NTRK3: variants seen among roughly 807,000 people sequenced by gnomAD.
NTRK3 encodes NT-3 growth factor receptor.
Under a neutral mutation model 91.7 loss-of-function variants are expected in NTRK3, and 24 were observed. The observed-to-expected ratio is 0.26, with a 90% CI of 0.19 to 0.37. The LOEUF (loss-of-function observed/expected upper bound fraction) is 0.37. Among genes scored for constraint, NTRK3 ranks in the 10% least tolerant of loss-of-function variants. The probability of loss-of-function intolerance (pLI) is 1.00; values close to 1 mark genes in which losing one functional copy is unlikely to be tolerated. For synonymous variants in NTRK3, 483 were observed against 404.0 expected, an observed-to-expected ratio of 1.20 and a Z score of -2.34; for missense variants, 880 against 1,068.9, an observed-to-expected ratio of 0.82 and a Z score of 2.46.
chr15:87,914,991 G>T (rs1371249527), intron 17 of NTRK3, among the ~76,000 whole-genome samples: 1 of 152,158 alleles, frequency 6.6e-6, no homozygotes, highest in Non-Finnish European at 1.5e-5. Context: ...TATGGTGTTG[G>T]TGATGGTGTT....
intron 3 of NTRK3, among the ~76,000 whole-genome samples, chr15:88,200,206 T>G (rs997962294): frequency 3.3e-5 from 5 of 152,336 alleles, no homozygotes; most frequent in African/African-American, 1.2e-4. Flanking sequence ...AGTTCCCACC[T>G]GCCCGGACTG....
At chr15:88,156,284 G>C (rs2043894662) in intron 5 of NTRK3, among the ~76,000 whole-genome samples, 1 of 152,172 alleles carries the variant, frequency 6.6e-6, no homozygotes, top group African/African-American at 2.4e-5. Context: ...CATGTGCTGA[G>C]GAGGTGGAGA....
chr15:88,152,167 G>A (rs1475548435), intron 5 of NTRK3, among the ~76,000 whole-genome samples: 2 of 152,064 alleles, frequency 1.3e-5, no homozygotes, highest in African/African-American at 4.8e-5. Flanking sequence ...TGGGTGTGGT[G>A]GTGGGCGCCT....
intron 5 of NTRK3, among the ~76,000 whole-genome samples, chr15:88,157,306 C>T (rs1262433106): frequency 2.6e-5 from 4 of 151,972 alleles, no homozygotes; most frequent in Non-Finnish European, 5.9e-5. Flanking sequence ...CAGCTGTCTC[C>T]GTCTGGCTCC....
At chr15:88,175,073 A>G (rs1163931083) in intron 5 of NTRK3, among the ~76,000 whole-genome samples, 1 of 152,230 alleles carries the variant, frequency 6.6e-6, no homozygotes, top group Non-Finnish European at 1.5e-5. Context: ...TTAGACACCA[A>G]GTTTCATGCA....
intron 13 of NTRK3, among the ~76,000 whole-genome samples, chr15:88,045,963 C>G (rs1039977828): frequency 6.6e-6 from 1 of 152,174 alleles, no homozygotes. Flanking sequence ...AGGCTATTTC[C>G]GAATAAGTTC....
intron 17 of NTRK3, among the ~76,000 whole-genome samples, chr15:87,910,218 G>A (rs1377342921): frequency 7.9e-5 from 12 of 152,182 alleles, no homozygotes; most frequent in African/African-American, 2.2e-4. Flanking sequence ...GAGGAAGTTC[G>A]AGGAGCCCTG....
At chr15:88,222,457 A>G (rs1351404908) in intron 3 of NTRK3, among the ~76,000 whole-genome samples, 2 of 152,236 alleles carry the variant, frequency 1.3e-5, no homozygotes, top group African/African-American at 2.4e-5. Flanking sequence ...CTGCCTTTCA[A>G]TAATACAACA....
At chr15:88,197,483 C>T (rs948013400) in intron 3 of NTRK3, among the ~76,000 whole-genome samples, 1 of 152,150 alleles carries the variant, frequency 6.6e-6, no homozygotes, top group African/African-American at 2.4e-5. Flanking sequence ...CGCCTCACAC[C>T]AAACCAAACT....
At position 88,126,373 on chromosome 15, in the gene NTRK3, C is replaced by T. The variant is rs771227484; in HGVS notation, c.1294G>A (p.Val432Ile). The T allele has an allele frequency of 5.6e-6, 9 of 1,607,848 alleles. No homozygotes were observed. In the East Asian group the frequency reaches 2.0e-4, roughly 36 times the overall value. Residue 432 changes from valine to isoleucine, a missense_variant and splice_region_variant, in exon 13 of 19, where the codon GTA becomes ATA. Coordinates refer to ENST00000394480, the Ensembl canonical transcript of NTRK3. The stretch of plus-strand genomic sequence containing the variant: ...GCAGCAAGTCCAACTGCTATGGATA[C>T]CTGTGAGGAACCAGAAACAGAGAGT...
chr15:87,918,546 C>T (rs1167225351), intron 17 of NTRK3, among the ~76,000 whole-genome samples: 1 of 152,204 alleles, frequency 6.6e-6, no homozygotes, highest in East Asian at 1.9e-4. Context: ...GACTGCCAAC[C>T]AACCCCTCAA....
At chr15:87,955,301 G>GA (rs2071544311) in intron 14 of NTRK3, among the ~76,000 whole-genome samples, 1 of 152,226 alleles carries the variant, frequency 6.6e-6, no homozygotes, top group Non-Finnish European at 1.5e-5. Context: ...TTTGTCTGCA[G>GA]AAGTTCTGCC....
chr15:88,199,254 T>G (rs2048085743), intron 3 of NTRK3, among the ~76,000 whole-genome samples: 1 of 152,166 alleles, frequency 6.6e-6, no homozygotes, highest in South Asian at 2.1e-4. Flanking sequence ...CTTTAACTGA[T>G]GTGAGCTGGT....
At chr15:88,080,524 T>C (rs998243130) in intron 13 of NTRK3, among the ~76,000 whole-genome samples, 1 of 152,260 alleles carries the variant, frequency 6.6e-6, no homozygotes, top group South Asian at 2.1e-4. Flanking sequence ...TCCTGCTTTT[T>C]GTTTATCTTC....
chr15:88,159,377 G>A (rs1004197450), intron 5 of NTRK3, among the ~76,000 whole-genome samples: 9 of 152,164 alleles, frequency 5.9e-5, no homozygotes, highest in African/African-American at 2.2e-4. Context: ...GAGGGGAGAG[G>A]TTCTCCCATT....
intron 13 of NTRK3, among the ~76,000 whole-genome samples, chr15:88,033,284 AT>A (rs531733236): frequency 7.2e-6 from 1 of 138,692 alleles, no homozygotes; most frequent in Non-Finnish European, 1.5e-5. Flanking sequence ...ATGGCTTACA[AT>A]TTTTTTTCCA....
chr15:88,150,386 C>T (rs1371811856), intron 5 of NTRK3, among the ~76,000 whole-genome samples: 1 of 152,172 alleles, frequency 6.6e-6, no homozygotes, highest in Non-Finnish European at 1.5e-5. Context: ...AAATAACAGA[C>T]ATTCTGGGCA....
At chr15:88,144,070 T>C (rs1288244901) in intron 6 of NTRK3, 1 of 152,186 alleles carries the variant, frequency 6.6e-6, no homozygotes, top group African/African-American at 2.4e-5. Context: ...TCTAAGCTTC[T>C]TTTCTTCCTA....
chr15:88,135,433 A>C, intron 9 of NTRK3, 36 bp from the exon 10 acceptor site: 1 of 1,605,858 alleles, frequency 6.2e-7, no homozygotes, highest in Non-Finnish European at 8.5e-7. Context: ...TCCAGGACAC[A>C]GAGTCTACCA....
Sources: gnomAD v4.1 joint callset for allele counts (sites outside exome capture counted in the v4.1 genomes callset) on GRCh38, gnomAD v4.1.1 for gene constraint, MANE v1.5 for transcripts, NCBI Gene and HGNC (gene_info 2026-07-23, HGNC 2026-07-21) for gene names.